The following POLK variants were observed in gnomAD, a reference collection of about 807,000 sequenced individuals.
The protein encoded by POLK is polymerase (DNA directed) kappa.
Under a neutral mutation model 94.0 loss-of-function variants are expected in POLK, and 76 were observed. The ratio of observed to expected loss-of-function variants is 0.81; its 90% CI spans 0.67 to 0.98. The LOEUF (loss-of-function observed/expected upper bound fraction) is 0.98. POLK is among the 50% of genes least tolerant of loss of function. POLK has a pLI of 0.00. For synonymous variants in POLK, 349 were observed against 325.4 expected, an observed-to-expected ratio of 1.07 and a Z score of -0.78; for missense variants, 954 against 1,010.1, an observed-to-expected ratio of 0.94 and a Z score of 0.75.
chr5:75,587,902 A>C (rs372530049), intron 10 of POLK, among the ~76,000 whole-genome samples: 121 of 152,318 alleles, frequency 7.9e-4, no homozygotes, highest in African/African-American at 2.8e-3. Flanking sequence ...CCTAGGTGAC[A>C]GAGTGAGACT....
intron 10 of POLK, among the ~76,000 whole-genome samples, chr5:75,588,332 A>G (rs1772580433): frequency 6.6e-6 from 1 of 152,230 alleles, no homozygotes; most frequent in African/African-American, 2.4e-5. Context: ...TCTAATATAG[A>G]AAGAACTCAT....
chr5:75,595,677 G>A (rs1308217286), intron 12 of POLK, among the ~76,000 whole-genome samples: 6 of 152,116 alleles, frequency 3.9e-5, no homozygotes, highest in Non-Finnish European at 8.8e-5. Flanking sequence ...TTTGTCCAGC[G>A]CCCAGGATGT....
At chr5:75,598,055 T>G in exon 15 of POLK, 1 of 806,416 alleles carries the variant, frequency 1.2e-6, no homozygotes, top group East Asian at 3.0e-5. Context: ...TAATTGAAAC[T>G]AGTTATTTTA....
intron 9 of POLK, among the ~76,000 whole-genome samples, chr5:75,585,476 G>A (rs1269324046): frequency 6.6e-6 from 1 of 152,144 alleles, no homozygotes; most frequent in Non-Finnish European, 1.5e-5. Context: ...ATAAACAAAT[G>A]AAGAAAGTAA....
intron 6 of POLK, among the ~76,000 whole-genome samples, chr5:75,577,689 G>A (rs910982538): frequency 2.0e-5 from 3 of 152,162 alleles, no homozygotes; most frequent in Admixed American, 1.3e-4. Context: ...GACGGGCCAG[G>A]CAGTGCTGGG....
chr5:75,526,069 CATT>C (rs1478346989), intron 1 of POLK, among the ~76,000 whole-genome samples: 1 of 152,054 alleles, frequency 6.6e-6, no homozygotes, highest in African/African-American at 2.4e-5. Context: ...TGTTGGAAAA[CATT>C]AGTTACCATT....
At chr5:75,552,798 C>T (rs925935505) in intron 3 of POLK, among the ~76,000 whole-genome samples, 1 of 152,166 alleles carries the variant, frequency 6.6e-6, no homozygotes, top group Non-Finnish European at 1.5e-5. Context: ...GACATTGTCA[C>T]CTCTATTATA....
At chr5:75,544,558 C>A (rs905208444) in intron 1 of POLK, among the ~76,000 whole-genome samples, 1 of 152,150 alleles carries the variant, frequency 6.6e-6, no homozygotes, top group African/African-American at 2.4e-5. Flanking sequence ...AGGAGAATCG[C>A]TTGAACCCAG....
At chr5:75,591,977 G>C (rs767677) in intron 11 of POLK, among the ~76,000 whole-genome samples, 11,907 of 152,266 alleles carry the variant, frequency 0.078, 556 homozygotes, top group South Asian at 0.17. Flanking sequence ...TGTGAAGTTA[G>C]TGTTTTTCCC....
chr5:75,511,821 G>A (rs1483560031), exon 1 of POLK: 1 of 1,551,352 alleles, frequency 6.4e-7, no homozygotes, highest in Admixed American at 2.0e-5. Context: ...GAGAGGGCGG[G>A]GTAGGGATGC....
chr5:75,535,532 T>G (rs1398879392), intron 1 of POLK, among the ~76,000 whole-genome samples: 3 of 150,754 alleles, frequency 2.0e-5, no homozygotes, highest in Non-Finnish European at 3.0e-5. Context: ...GACAATATCC[T>G]GAAATATGTT....
chr5:75,526,826 C>G (rs1195267853), intron 1 of POLK, among the ~76,000 whole-genome samples: 2 of 152,152 alleles, frequency 1.3e-5, no homozygotes, highest in Non-Finnish European at 2.9e-5. Context: ...AGTAATCCAC[C>G]TGCCTCAGCC....
At chr5:75,598,051 A>G in exon 15 of POLK, 1 of 840,422 alleles carries the variant, frequency 1.2e-6, no homozygotes, top group South Asian at 1.8e-5. Context: ...TTTTTAATTG[A>G]AACTAGTTAT....
At chr5:75,521,283 C>A (rs934206379) in intron 1 of POLK, among the ~76,000 whole-genome samples, 1 of 151,902 alleles carries the variant, frequency 6.6e-6, no homozygotes, top group Non-Finnish European at 1.5e-5. Flanking sequence ...ATCTTCATTC[C>A]TTTTTATTAT....
At chr5:75,566,173 A>G (rs1287993096) in intron 3 of POLK, among the ~76,000 whole-genome samples, 2 of 152,312 alleles carry the variant, frequency 1.3e-5, no homozygotes, top group East Asian at 3.9e-4. Context: ...TGTGAGGGGA[A>G]AACCACCTAC....
intron 3 of POLK, among the ~76,000 whole-genome samples, chr5:75,558,251 C>G (rs1170234162): frequency 6.9e-6 from 1 of 145,178 alleles, no homozygotes; most frequent in East Asian, 2.0e-4. Context: ...TTTTTTTGGT[C>G]TGGGTATTGT....
chr5:75,581,172 A>T, intron 6 of POLK, 37 bp from the exon 7 acceptor site: 1 of 1,460,622 alleles, frequency 6.8e-7, no homozygotes, highest in Non-Finnish European at 9.5e-7. Flanking sequence ...TATACTTCTT[A>T]AAATAAAGGT....
intron 3 of POLK, among the ~76,000 whole-genome samples, chr5:75,567,529 C>T (rs2112748872): frequency 6.6e-6 from 1 of 152,316 alleles, no homozygotes; most frequent in African/African-American, 2.4e-5. Flanking sequence ...GTACTCCTTT[C>T]ACTTTTTAAA....
rs769338634 is a variant in POLK, at chr5:75,573,831, C to T, written c.502C>T (p.Pro168Ser). 8.7e-6 allele frequency: 14 copies of T among 1,613,008 alleles called. No homozygotes were observed. The Admixed American group carries it at 1.7e-4, about 19-fold the overall frequency. Residue 168 changes from proline to serine, a missense_variant, in exon 5 of 15, where the codon CCC becomes TCC. Coordinates refer to ENST00000241436, the Ensembl canonical transcript of POLK. The stretch of plus-strand genomic sequence containing the variant: ...GCTGTGCCCACAACTTATAATAGTG[C>T]CCCCCAACTTTGACAAATACCGAGC...
Sources: gnomAD v4.1 joint callset for allele counts (sites outside exome capture counted in the v4.1 genomes callset) on GRCh38, gnomAD v4.1.1 for gene constraint, MANE v1.5 for transcripts, NCBI Gene and HGNC (gene_info 2026-07-23, HGNC 2026-07-21) for gene names.